Variants in SOX6 observed in about 807,000 individuals in gnomAD.
SOX6 encodes the protein SRY-box transcription factor 6, also known as transcription factor SOX-6.
SOX6 carries 11 observed loss-of-function variants against 97.8 expected under a neutral mutation model. That is an observed-to-expected ratio of 0.11 (90% CI 0.07 to 0.19). The LOEUF (loss-of-function observed/expected upper bound fraction) is 0.19, where lower values mean the gene tolerates loss of function less well. SOX6 is among the 10% of genes least tolerant of loss of function. The probability of loss-of-function intolerance (pLI) is 1.00; values close to 1 mark genes in which losing one functional copy is unlikely to be tolerated. For missense variants in SOX6, 810 were observed against 1,039.5 expected, an observed-to-expected ratio of 0.78 and a Z score of 3.04; for synonymous variants, 360 against 371.4, an observed-to-expected ratio of 0.97 and a Z score of 0.35.
At chr11:16,262,858 C>T (rs1406170932) in intron 3 of SOX6, among the ~76,000 whole-genome samples, 1 of 151,892 alleles carries the variant, frequency 6.6e-6, no homozygotes, top group Non-Finnish European at 1.5e-5. Flanking sequence ...TCTTAAAAAG[C>T]AAAATAGTTA....
intron 4 of SOX6, among the ~76,000 whole-genome samples, chr11:16,520,943 G>A (rs1358239996): frequency 6.6e-6 from 1 of 152,200 alleles, no homozygotes; most frequent in Non-Finnish European, 1.5e-5. Context: ...CCCCGCCATT[G>A]CCCAGGCTTG....
chr11:16,297,289 C>CA (rs959287343), intron 3 of SOX6, among the ~76,000 whole-genome samples: 4 of 151,784 alleles, frequency 2.6e-5, no homozygotes, highest in African/African-American at 7.3e-5. Flanking sequence ...TTCTGCCCCA[C>CA]AAAAAAAATT....
chr11:16,242,324 T>C lies in SOX6; in HGVS notation c.446-7653A>G, dbSNP rs115183994. Among the ~76,000 whole-genome samples the C allele has an allele frequency of 1.1e-3, 163 of 152,134 alleles. 1 individual carries two copies. The highest frequency in any genetic ancestry group is 3.6e-3 in the African/African-American group (151 of 41,542). ...GCACAGGTTTGTAGCCTAAGATCAATAGGTTATACTATATAGCCTAGGTGT... is the reference window on the plus strand; with the variant it reads ...GCACAGGTTTGTAGCCTAAGATCAACAGGTTATACTATATAGCCTAGGTGT... On this transcript the variant is annotated intron_variant, in intron 3 of 15. Transcript: ENST00000683767.
chr11:16,287,133 T>C (rs1854769071), intron 3 of SOX6, among the ~76,000 whole-genome samples: 1 of 152,046 alleles, frequency 6.6e-6, no homozygotes, highest in South Asian at 2.1e-4. Flanking sequence ...GTTGTTCTGA[T>C]GAAAAGCGTC....
At chr11:16,690,614 TAA>T (rs942256148) in intron 3 of SOX6, among the ~76,000 whole-genome samples, 1 of 152,236 alleles carries the variant, frequency 6.6e-6, no homozygotes, top group Admixed American at 6.5e-5. Flanking sequence ...TGTACTTTTT[TAA>T]AAATCTCATT....
At position 15,969,096 on chromosome 11, in the gene SOX6, G is replaced by A. The variant is rs1853230098; in HGVS notation, c.*3713C>T. ...CTATTTTTTTTTTTTTTTTTTTTTG[G>A]GAGAGGATTGCCTGGCAGTGTCCCA... On this transcript the variant is annotated 3_prime_UTR_variant, in exon 16 of 16. Coordinates refer to ENST00000683767, the MANE Select transcript of SOX6 (RefSeq NM_001367873.1). The A allele has an allele frequency of 7.9e-6, 1 of 126,698 alleles. No homozygotes were observed. 7.8% of individuals were successfully genotyped at this position (126,698 alleles called of 1,614,324 possible).
chr11:16,431,540 C>T lies in SOX6; in HGVS notation c.-5+44775G>A, dbSNP rs756117550. On this transcript the variant is annotated intron_variant, in intron 1 of 15. Transcript: ENST00000396356. ...ATTTCTGGCCAAACTATAATTAAGA[C>T]GATACATGGTGAAACAAAAACAAAA... Among the ~76,000 whole-genome samples the T allele has an allele frequency of 2.8e-4, 43 of 151,684 alleles. 2 individuals are homozygous for T. Among genetic ancestry groups the T allele is most frequent in the Admixed American group, 2.4e-3 (36 of 15,202 alleles).
At chr11:16,718,597 C>T (rs1208571828) in intron 2 of SOX6, among the ~76,000 whole-genome samples, 2 of 152,106 alleles carry the variant, frequency 1.3e-5, no homozygotes, top group East Asian at 1.9e-4. Context: ...AAATAAATTA[C>T]ATATATGCCA....
chr11:16,638,964 T>C (rs953766092), intron 3 of SOX6, among the ~76,000 whole-genome samples: 4 of 152,230 alleles, frequency 2.6e-5, no homozygotes, highest in Non-Finnish European at 4.4e-5. Flanking sequence ...TTGCCATTGC[T>C]TTTGGTGTTT....
chr11:16,395,259 AC>A lies in SOX6; in HGVS notation c.-4-54008del, dbSNP rs2134432790. On this transcript the variant is annotated intron_variant, in intron 1 of 15. Transcript: ENST00000396356. ...AGTGAAGGACAGACACTAAACAAAA[AC>A]CACACAGATACATAATTTCAAATTG... 2.0e-5 allele frequency among the ~76,000 whole-genome samples: 3 copies of A among 151,970 alleles called. No individual in the cohort carries two copies. The East Asian group carries it at 5.8e-4, about 29-fold the overall frequency.
Position 16,278,383 on chromosome 11 carries a change from C to A in SOX6, c.445+40063G>T, listed in dbSNP as rs189661436. 4.8e-3 allele frequency among the ~76,000 whole-genome samples: 727 copies of A among 152,130 alleles called. 6 individuals are homozygous for A. Among genetic ancestry groups the A allele is most frequent in the African/African-American group, 0.017 (700 of 41,532 alleles). ...CCTAATGAGTTTATTATCCTATAAA[C>A]AATACAGTAATTATGACCTATGGTA... On this transcript the variant is annotated intron_variant, in intron 3 of 15. Coordinates refer to ENST00000683767, the MANE Select transcript of SOX6 (RefSeq NM_001367873.1).
At chr11:16,255,698 A>C (rs1853660283) in intron 3 of SOX6, among the ~76,000 whole-genome samples, 1 of 152,036 alleles carries the variant, frequency 6.6e-6, no homozygotes, top group African/African-American at 2.4e-5. Flanking sequence ...TTGAGTACAA[A>C]GTAAGAGAAG....
At chr11:16,600,734 C>G (rs993894679) in intron 4 of SOX6, among the ~76,000 whole-genome samples, 2 of 152,104 alleles carry the variant, frequency 1.3e-5, no homozygotes, top group African/African-American at 4.8e-5. Context: ...AGCTTTTACC[C>G]TTTTCCACAG....
chr11:16,676,435 T>C lies in SOX6; in HGVS notation n.429+38395A>G, dbSNP rs1429144647. Among the ~76,000 whole-genome samples the C allele has an allele frequency of 2.0e-5, 3 of 152,204 alleles. No individual in the cohort carries two copies. In the East Asian group the frequency reaches 5.8e-4, roughly 29 times the overall value. On this transcript the variant is annotated intron_variant and non_coding_transcript_variant, in intron 3 of 5. Coordinates refer to the SOX6 transcript ENST00000524520. ...CAGGAATAGTTTCTATTAATTTCCT[T>C]TTCTCCTGTCCATGGGCCATATGTT...
At chr11:16,197,246 A>T (rs1409601797) in intron 4 of SOX6, among the ~76,000 whole-genome samples, 1 of 152,186 alleles carries the variant, frequency 6.6e-6, no homozygotes, top group Non-Finnish European at 1.5e-5. Flanking sequence ...TAGAGAGTCC[A>T]GTTCAGTCAT....
At chr11:16,488,824 C>G (rs1425955813) in intron 4 of SOX6, among the ~76,000 whole-genome samples, 4 of 152,048 alleles carry the variant, frequency 2.6e-5, no homozygotes, top group Admixed American at 2.6e-4. Flanking sequence ...CTTTAAAGTC[C>G]AGACAAGATC....
At chr11:16,396,225 A>T (rs1039297312) in intron 1 of SOX6, among the ~76,000 whole-genome samples, 1 of 151,734 alleles carries the variant, frequency 6.6e-6, no homozygotes, top group Non-Finnish European at 1.5e-5. Context: ...AAAACAAAGC[A>T]TTTAGCACAC....
At chr11:16,305,372 C>T (rs530201027) in intron 3 of SOX6, among the ~76,000 whole-genome samples, 2 of 152,176 alleles carry the variant, frequency 1.3e-5, no homozygotes, top group African/African-American at 2.4e-5. Context: ...TATCAGTACA[C>T]ACCTATAAGA....
intron 4 of SOX6, among the ~76,000 whole-genome samples, chr11:16,609,803 T>C (rs1000298058): frequency 1.3e-5 from 2 of 152,182 alleles, no homozygotes; most frequent in African/African-American, 2.4e-5. Flanking sequence ...GGAAATACAA[T>C]GCTTGAAGAC....
Sources: gnomAD v4.1 joint callset for allele counts (sites outside exome capture counted in the v4.1 genomes callset) on GRCh38, gnomAD v4.1.1 for gene constraint, MANE v1.5 for transcripts, NCBI Gene and HGNC (gene_info 2026-07-23, HGNC 2026-07-21) for gene names.